Variants in ARID1A observed in about 807,000 individuals in gnomAD.
ARID1A encodes the protein AT-rich interaction domain 1A.
In ARID1A, 20 loss-of-function variants were observed where a neutral mutation model predicts 212.6. The ratio of observed to expected loss-of-function variants is 0.09; its 90% CI spans 0.07 to 0.14. ARID1A has a LOEUF of 0.14. Among genes scored for constraint, ARID1A ranks in the 10% least tolerant of loss-of-function variants. The pLI is 1.00. For synonymous variants in ARID1A, 1,376 were observed against 1,222.1 expected, an observed-to-expected ratio of 1.13 and a Z score of -2.63; for missense variants, 2,587 against 3,059.0, an observed-to-expected ratio of 0.85 and a Z score of 3.64.
At chr1:26,702,573 A>T (rs1288555440) in intron 1 of ARID1A, among the ~76,000 whole-genome samples, 1 of 152,208 alleles carries the variant, frequency 6.6e-6, no homozygotes, top group Non-Finnish European at 1.5e-5. Context: ...AGTAAGATGT[A>T]AACTGTTCTA....
intron 1 of ARID1A, among the ~76,000 whole-genome samples, chr1:26,698,805 T>G (rs1388848626): frequency 6.6e-6 from 1 of 152,162 alleles, no homozygotes; most frequent in Non-Finnish European, 1.5e-5. Context: ...GAGTGGCAAA[T>G]GTGGGATCTT....
chr1:26,779,223 GGAA>G lies in ARID1A; in HGVS notation c.5334_5336del (p.Glu1780del), dbSNP rs765246223. 2.2e-5 allele frequency: 36 copies of G among 1,613,842 alleles called. No individual in the cohort carries two copies. The highest frequency in any genetic ancestry group is 1.5e-4 in the Admixed American group (9 of 59,976). On this transcript the variant is annotated inframe_deletion, in exon 20 of 20. Coordinates refer to ENST00000324856, the MANE Select transcript of ARID1A (RefSeq NM_006015.6). ...AACTTCTAGGTCCTAAACTAGAAGA[GGAA>G]GAAGAAGAGGAAGTAGTTGAAAATG...
chr1:26,737,204 C>T (rs935337206), intron 4 of ARID1A, among the ~76,000 whole-genome samples: 10 of 152,086 alleles, frequency 6.6e-5, no homozygotes, highest in South Asian at 2.1e-4. Context: ...CAGTCTCCAC[C>T]TCCCCAGGTT....
chr1:26,781,068 A>G lies in ARID1A; in HGVS notation c.*312A>G, dbSNP rs1180113728. On this transcript the variant is annotated 3_prime_UTR_variant, in exon 20 of 20. Coordinates refer to ENST00000324856, the MANE Select transcript of ARID1A (RefSeq NM_006015.6). ...ATTTTAACCAAAGTTACTGTTGTTT[A>G]CAGTGAGTTTGGGGAAAAAAAATAA... The G allele has an allele frequency of 3.2e-6, 1 of 312,806 alleles. No individual in the cohort carries two copies. Among genetic ancestry groups the G allele is most frequent in the Non-Finnish European group, 5.9e-6 (1 of 170,904 alleles). The allele number at this position is 312,806 out of a possible 1,614,324, so 19.4% of individuals were successfully genotyped here. A position where few individuals can be genotyped will look rare whatever the true frequency, so the allele number is the denominator to read the frequency against.
rs766313779 is a variant in ARID1A at position 26,762,322 on chromosome 1, C to G, written c.2419+3C>G. On this transcript the variant is annotated splice_donor_region_variant and intron_variant, in intron 7 of 19. Transcript: ENST00000324856. ...GGGGGGTCAGTATGGCCCACAAGGT[C>G]AGTATACTACCCAGTTAGGAGTAGA... 1 of 1,612,844 alleles carries G rather than the reference C, an allele frequency of 6.2e-7. No homozygotes were observed.
intron 7 of ARID1A, 66 bp from the exon 8 acceptor site, chr1:26,762,907 G>C (rs1324022162): frequency 7.2e-7 from 1 of 1,392,286 alleles, no homozygotes; most frequent in African/African-American, 1.4e-5. Context: ...TGGTGTTCTA[G>C]AGTTGAGAGA....
At chr1:26,757,502 A>G (rs1454317124) in intron 4 of ARID1A, among the ~76,000 whole-genome samples, 1 of 151,898 alleles carries the variant, frequency 6.6e-6, no homozygotes, top group Non-Finnish European at 1.5e-5. Context: ...AAAAACGCAC[A>G]AAGATACGCA....
intron 14 of ARID1A, 64 bp downstream of exon 14, chr1:26,773,051 A>T (rs1334710199): frequency 6.4e-7 from 1 of 1,554,304 alleles, no homozygotes; most frequent in East Asian, 2.3e-5. Flanking sequence ...AATGGGGGGA[A>T]ATCTTGAGAA....
intron 8 of ARID1A, among the ~76,000 whole-genome samples, chr1:26,763,942 C>T (rs2081016195): frequency 6.6e-6 from 1 of 152,074 alleles, no homozygotes; most frequent in Non-Finnish European, 1.5e-5. Context: ...GCACACACCA[C>T]CACACCCAGC....
At chr1:26,724,114 A>G (rs2080593783) in intron 1 of ARID1A, among the ~76,000 whole-genome samples, 1 of 152,154 alleles carries the variant, frequency 6.6e-6, no homozygotes, top group African/African-American at 2.4e-5. Flanking sequence ...GTCATATAAC[A>G]AATCTAGCCA....
At chr1:26,770,458 A>G (rs1418405129) in intron 11 of ARID1A, 4 of 152,100 alleles carry the variant, frequency 2.6e-5, no homozygotes, top group Non-Finnish European at 5.9e-5. Context: ...TTATTAGTGC[A>G]TCTAAAATAG....
chr1:26,739,361 C>T (rs1459485274), intron 4 of ARID1A, among the ~76,000 whole-genome samples: 1 of 152,160 alleles, frequency 6.6e-6, no homozygotes, highest in East Asian at 1.9e-4. Flanking sequence ...GAATTACTGC[C>T]TCTACCTGAG....
In ARID1A at chr1:26,696,997, C is replaced by T. The variant is rs2124742617; in HGVS notation, c.594C>T (p.Pro198=). The change falls in exon 1 of 20, where the codon CCC becomes CCT. Residue 198 remains proline, a synonymous_variant. Coordinates refer to ENST00000324856, the MANE Select transcript of ARID1A (RefSeq NM_006015.6). ...GGGGCCTGGAGCCCTACGCGGGGCC[C>T]CAGCAGAACTCTCACGACCACGGCT... The part of the protein sequence containing the change: ...GGGGLEPYAG[P]QQNSHDHGFP... 1 of 1,522,068 alleles carries T rather than the reference C, an allele frequency of 6.6e-7. No homozygotes were observed. 94.3% of individuals were successfully genotyped at this position (1,522,068 alleles called of 1,614,324 possible). A position where few individuals can be genotyped will look rare whatever the true frequency, so the allele number is the denominator to read the frequency against.
intron 1 of ARID1A, among the ~76,000 whole-genome samples, chr1:26,698,477 T>C (rs1183224143): frequency 2.0e-5 from 3 of 152,230 alleles, no homozygotes; most frequent in African/African-American, 7.2e-5. Flanking sequence ...TAAGTAGCAA[T>C]ACTGTATCAG....
chr1:26,767,101 G>C (rs1277812413), intron 10 of ARID1A, among the ~76,000 whole-genome samples: 1 of 152,132 alleles, frequency 6.6e-6, no homozygotes, highest in Non-Finnish European at 1.5e-5. Flanking sequence ...TGGGTCATTT[G>C]TAATATTTCT....
At chr1:26,706,636 A>T (rs1446964262) in intron 1 of ARID1A, among the ~76,000 whole-genome samples, 4 of 152,170 alleles carry the variant, frequency 2.6e-5, no homozygotes, top group African/African-American at 9.7e-5. Flanking sequence ...TTCCTTTTGG[A>T]AGAAACAGAT....
chr1:26,756,573 A>C (rs1306156778), intron 4 of ARID1A, among the ~76,000 whole-genome samples: 11 of 151,570 alleles, frequency 7.3e-5, no homozygotes, highest in Middle Eastern at 3.2e-3. Context: ...TTAAAAAAAA[A>C]AAAAACAAAA....
intron 1 of ARID1A, among the ~76,000 whole-genome samples, chr1:26,720,946 T>G (rs2080558825): frequency 1.3e-5 from 2 of 151,740 alleles, no homozygotes; most frequent in Non-Finnish European, 2.9e-5. Flanking sequence ...AGGGTAGAAT[T>G]GGATTGAGTA....
chr1:26,773,201 T>TTGGG, intron 14 of ARID1A, 145 bp from the exon 15 acceptor site: 1 of 1,299,646 alleles, frequency 7.7e-7, no homozygotes, highest in Non-Finnish European at 1.0e-6. Context: ...TTTTCGCTGG[T>TTGGG]TGGGGCCTCT....
Sources: allele counts gnomAD v4.1 joint callset (sites outside exome capture counted in the v4.1 genomes callset), GRCh38; gene constraint gnomAD v4.1.1; transcripts MANE v1.5; gene names NCBI Gene and HGNC (gene_info 2026-07-23, HGNC 2026-07-21).